The following PRMT8 variants were observed in gnomAD, a reference collection of about 807,000 sequenced individuals.
PRMT8 encodes the protein protein arginine N-methyltransferase 8.
A neutral mutation model predicts 47.1 loss-of-function variants in PRMT8; 7 were observed. The ratio of observed to expected loss-of-function variants is 0.15; its 90% CI spans 0.08 to 0.28. The LOEUF (loss-of-function observed/expected upper bound fraction) is 0.28. Ranked by LOEUF, PRMT8 falls within the 10% of genes least tolerant of loss-of-function variation. PRMT8 has a pLI of 1.00. For missense variants in PRMT8, 237 were observed against 505.4 expected, an observed-to-expected ratio of 0.47 and a Z score of 5.09; for synonymous variants, 188 against 186.5, an observed-to-expected ratio of 1.01 and a Z score of -0.07.
At chr12:3,401,502 A>G (rs1049990494) in intron 1 of PRMT8, among the ~76,000 whole-genome samples, 1 of 152,172 alleles carries the variant, frequency 6.6e-6, no homozygotes, top group African/African-American at 2.4e-5. Flanking sequence ...AGAGTATTCA[A>G]ATAGGAAGAG....
rs552312746 is a variant in PRMT8 at position 3,568,754 on chromosome 12, A to G, written c.530A>G (p.Glu177Gly). ...GTGGAAGAGGTGGAGCTGCCTGTGG[A>G]GAAGGTGGACATCATCATCAGCGAG... ...GKVEEVELPVEKVDIIISEWM... is the reference protein window; with the variant it reads ...GKVEEVELPVGKVDIIISEWM... The change falls in exon 5 of 10, where the codon GAG becomes GGG. Residue 177 changes from glutamate to glycine, a missense_variant. Glu to Gly is a moderately conservative substitution (Grantham distance 98, BLOSUM62 -2). This residue lies in a region of PRMT8 where 151 missense variants were observed against 341.1 expected (regional missense o/e 0.44). Coordinates refer to ENST00000382622, the MANE Select transcript of PRMT8 (RefSeq NM_019854.5). 3 of 1,614,092 alleles carry G rather than the reference A, an allele frequency of 1.9e-6. No individual in the cohort carries two copies. The East Asian group carries it at 6.7e-5, about 36-fold the overall frequency.
At chr12:3,444,129 C>T (rs1290407012) in intron 1 of PRMT8, among the ~76,000 whole-genome samples, 1 of 152,202 alleles carries the variant, frequency 6.6e-6, no homozygotes, top group Non-Finnish European at 1.5e-5. Flanking sequence ...ATTGTCCTAT[C>T]TCCTCTTAGC....
At chr12:3,543,873 C>G (rs1357302944) in intron 2 of PRMT8, among the ~76,000 whole-genome samples, 1 of 152,180 alleles carries the variant, frequency 6.6e-6, no homozygotes, top group Non-Finnish European at 1.5e-5. Flanking sequence ...GTGGTAGGCT[C>G]CATGACCTCC....
intron 1 of PRMT8, among the ~76,000 whole-genome samples, chr12:3,444,392 C>G (rs1042847142): frequency 6.6e-6 from 1 of 152,190 alleles, no homozygotes; most frequent in African/African-American, 2.4e-5. Flanking sequence ...CAGGTAACAG[C>G]CTGGAGACCA....
chr12:3,531,782 C>T (rs909709196), intron 1 of PRMT8, among the ~76,000 whole-genome samples: 13 of 152,240 alleles, frequency 8.5e-5, no homozygotes, highest in Admixed American at 2.6e-4. Flanking sequence ...CACCCAATCC[C>T]AGCCCCTCTA....
Position 3,569,802 on chromosome 12 carries a change from G to A in PRMT8, c.712+238G>A, listed in dbSNP as rs1280317539. ...TGGGATGAGAGAAATGTCCTGGGGT[G>A]AAAGAATGAATGCAATGTGAATTAA... is the stretch of plus-strand genomic sequence containing the variant. On this transcript the variant is annotated intron_variant, in intron 6 of 9. Coordinates refer to ENST00000382622, the MANE Select transcript of PRMT8 (RefSeq NM_019854.5). This position sits in a 1 kb window ranked among gnomAD's most constrained non-coding sequence, Gnocchi z 8.2. Among the ~76,000 whole-genome samples the A allele has an allele frequency of 6.6e-6, 1 of 152,218 alleles. No individual in the cohort carries two copies. The highest frequency in any genetic ancestry group is 2.1e-4 in the South Asian group (1 of 4,830).
chr12:3,558,834 C>T (rs1866573071), intron 4 of PRMT8, among the ~76,000 whole-genome samples: 1 of 152,196 alleles, frequency 6.6e-6, no homozygotes, highest in Admixed American at 6.5e-5. Context: ...TGTCTGCTGC[C>T]AGCCTTCGCC....
In PRMT8 at chr12:3,580,239, T is replaced by C. The variant is rs1867031113; in HGVS notation, c.829-2819T>C. On this transcript the variant is annotated intron_variant, in intron 7 of 9. Transcript: ENST00000382622. This position sits in a 1 kb window ranked among gnomAD's most constrained non-coding sequence, Gnocchi z 4.6. ...AATGTCTCAGGGATCTATTGAAAGC[T>C]GTCAGCTACAAGAGTTGATAGCTGA... 6.6e-6 allele frequency among the ~76,000 whole-genome samples: 1 copy of C among 152,176 alleles called. No homozygotes were observed. The highest frequency in any genetic ancestry group is 2.4e-5 in the African/African-American group (1 of 41,450).
Position 3,499,193 on chromosome 12 carries a change from CTTTT to C in PRMT8, c.75+7505_75+7508del, listed in dbSNP as rs57788869. Among the ~76,000 whole-genome samples the C allele has an allele frequency of 3.3e-5, 4 of 122,270 alleles. No homozygotes were observed. In the East Asian group the frequency reaches 6.9e-4, roughly 21 times the overall value. The allele number at this position is 122,270 out of a possible 152,430, so 80.2% of individuals were successfully genotyped here. A position where few individuals can be genotyped will look rare whatever the true frequency, so the allele number is the denominator to read the frequency against. On this transcript the variant is annotated intron_variant, in intron 1 of 9. Transcript: ENST00000382622. The stretch of plus-strand genomic sequence containing the variant: ...TATTTATTTATTTTTTTTTTCCTTT[CTTTT>C]TTTTTTTTTTTATTATACTCTAAGT...
intron 1 of PRMT8, among the ~76,000 whole-genome samples, chr12:3,437,442 T>C (rs1429825089): frequency 6.6e-6 from 1 of 152,006 alleles, no homozygotes; most frequent in Non-Finnish European, 1.5e-5. Context: ...CCTAGGGGTT[T>C]GGTGTACAGA....
intron 1 of PRMT8, among the ~76,000 whole-genome samples, chr12:3,505,142 A>G (rs1411430452): frequency 6.6e-6 from 1 of 150,412 alleles, no homozygotes; most frequent in Non-Finnish European, 1.5e-5. Context: ...TCAGATGGAA[A>G]TGCAGAAATC....
chr12:3,493,581 T>A lies in PRMT8; in HGVS notation c.75+1881T>A, dbSNP rs145770037. Among the ~76,000 whole-genome samples, 463 of 152,332 alleles carry A rather than the reference T, an allele frequency of 3.0e-3. 4 individuals carry two copies. Among genetic ancestry groups the A allele is most frequent in the African/African-American group, 0.011 (441 of 41,584 alleles). ...GTCTGGGTGCAGACCCCTGCCAGGT[T>A]CCGCAGTGTGCAGCGGCGGCTGCTG... is the stretch of plus-strand genomic sequence containing the variant. On this transcript the variant is annotated intron_variant, in intron 1 of 9. Coordinates refer to ENST00000382622, the MANE Select transcript of PRMT8 (RefSeq NM_019854.5). This position sits in a 1 kb window ranked among gnomAD's most constrained non-coding sequence, Gnocchi z 8.2.
At chr12:3,567,703 C>G (rs1866746961) in intron 4 of PRMT8, among the ~76,000 whole-genome samples, 1 of 152,212 alleles carries the variant, frequency 6.6e-6, no homozygotes, top group Non-Finnish European at 1.5e-5. Context: ...AAAATCCAAG[C>G]ATAATTTTTG....
chr12:3,558,572 A>C (rs1272211483), intron 4 of PRMT8, among the ~76,000 whole-genome samples: 2 of 152,202 alleles, frequency 1.3e-5, no homozygotes, highest in African/African-American at 4.8e-5. Context: ...TTTAGTTGTC[A>C]TGACTGGTTC....
intron 3 of PRMT8, chr12:3,552,000 G>C (rs951424359): frequency 6.6e-6 from 1 of 152,418 alleles, no homozygotes; most frequent in Non-Finnish European, 1.5e-5. Context: ...GGCAGAGGCT[G>C]GTGGATCACC....
At chr12:3,383,243 A>G (rs1178629149) in intron 1 of PRMT8, among the ~76,000 whole-genome samples, 2 of 152,234 alleles carry the variant, frequency 1.3e-5, no homozygotes, top group East Asian at 3.8e-4. Context: ...AAGCTTGTCT[A>G]TATCTATAAA....
Position 3,593,263 on chromosome 12 carries a change from G to T in PRMT8, c.*81G>T. 3.3e-6 allele frequency: 4 copies of T among 1,211,258 alleles called. No homozygotes were observed. The highest frequency in any genetic ancestry group is 3.6e-6 in the Non-Finnish European group (3 of 838,630). 75.0% of individuals were successfully genotyped at this position (1,211,258 alleles called of 1,614,324 possible). On this transcript the variant is annotated 3_prime_UTR_variant, in exon 10 of 10. Coordinates refer to ENST00000382622, the MANE Select transcript of PRMT8 (RefSeq NM_019854.5). The surrounding 1 kb of genome is among the most constrained non-coding windows in gnomAD (Gnocchi z 4.8). ...CGTGCCGTCCCAAAGAATACCGTTT[G>T]CAGGACTACACACTTGAAAACCAGA...
At chr12:3,515,191 G>A (rs75956169) in intron 1 of PRMT8, among the ~76,000 whole-genome samples, 133 of 152,354 alleles carry the variant, frequency 8.7e-4, no homozygotes, top group African/African-American at 2.9e-3. Flanking sequence ...CTGGTCAACA[G>A]GTGCTGGCTG....
In PRMT8 at chr12:3,569,250, C is replaced by A. The variant is rs978739366; in HGVS notation, c.625-227C>A. Among the ~76,000 whole-genome samples, 6 of 152,216 alleles carry A rather than the reference C, an allele frequency of 3.9e-5. No homozygotes were observed. Among genetic ancestry groups the A allele is most frequent in the Non-Finnish European group, 8.8e-5 (6 of 68,034 alleles). On this transcript the variant is annotated intron_variant, in intron 5 of 9. Coordinates refer to ENST00000382622, the MANE Select transcript of PRMT8 (RefSeq NM_019854.5). This position sits in a 1 kb window ranked among gnomAD's most constrained non-coding sequence, Gnocchi z 8.2. ...CCTCACTGGATTTACCTTCACCTCA[C>A]CTCATTTGTCCTATTGACTCCACCT...
Sources: gnomAD v4.1 joint callset for allele counts (sites outside exome capture counted in the v4.1 genomes callset) on GRCh38, gnomAD v4.1.1 for gene constraint, gnomAD v4.1.1 regional missense constraint, Gnocchi (gnomAD v3.1) non-coding constraint, MANE v1.5 for transcripts, NCBI Gene and HGNC (gene_info 2026-07-23, HGNC 2026-07-21) for gene names.